The following TAP2 variants were observed in gnomAD, a reference collection of about 807,000 sequenced individuals.
TAP2 encodes antigen peptide transporter 2.
Under a neutral mutation model 74.7 loss-of-function variants are expected in TAP2, and 49 were observed. The ratio of observed to expected loss-of-function variants is 0.66; its 90% CI spans 0.52 to 0.83. The LOEUF (loss-of-function observed/expected upper bound fraction) is 0.83, where lower values mean the gene tolerates loss of function less well. TAP2 is among the 40% of genes least tolerant of loss of function. The pLI is 0.00. For missense variants in TAP2, 739 were observed against 859.0 expected, an observed-to-expected ratio of 0.86 and a Z score of 1.75; for synonymous variants, 306 against 368.4, an observed-to-expected ratio of 0.83 and a Z score of 1.94.
At chr6:32,836,564 G>T (rs1356598209) in intron 3 of TAP2, among the ~76,000 whole-genome samples, 4 of 152,160 alleles carry the variant, frequency 2.6e-5, no homozygotes, top group Non-Finnish European at 5.9e-5. Flanking sequence ...AAACCTAGAT[G>T]TCATAGCCTA....
chr6:32,836,092 A>G (rs1483985930), intron 3 of TAP2, among the ~76,000 whole-genome samples: 1 of 152,232 alleles, frequency 6.6e-6, no homozygotes, highest in Non-Finnish European at 1.5e-5. Context: ...AGATATTGTG[A>G]AAACAAGTAT....
Position 32,835,447 on chromosome 6 carries a change from C to T in TAP2, c.740-88G>A. 7 of 1,481,488 alleles carry T rather than the reference C, an allele frequency of 4.7e-6. No homozygotes were observed. Among genetic ancestry groups the T allele is most frequent in the Middle Eastern group, 1.8e-4 (1 of 5,536 alleles). 91.8% of individuals were successfully genotyped at this position (1,481,488 alleles called of 1,614,324 possible). A position where few individuals can be genotyped will look rare whatever the true frequency, so the allele number is the denominator to read the frequency against. ...TCCCTCCTGACCGTTCCCTCTGACA[C>T]AGCCCCCTCCTCTGAACATCCTCCT... On this transcript the variant is annotated intron_variant, in intron 4 of 11. Transcript: ENST00000374897. The surrounding 1 kb of genome is among the most constrained non-coding windows in gnomAD (Gnocchi z 4.0).
Position 32,835,380 on chromosome 6 carries a change from G to T in TAP2, c.740-21C>A. The T allele has an allele frequency of 6.2e-7, 1 of 1,612,648 alleles. No homozygotes were observed. Among genetic ancestry groups the T allele is most frequent in the Non-Finnish European group, 8.5e-7 (1 of 1,179,698 alleles). ...CTCCCCTAAGAAGGACAGAGCAGGTGAGGAAAAAGGAAACCATGTGTACTG... is the reference window on the plus strand; with the variant it reads ...CTCCCCTAAGAAGGACAGAGCAGGTTAGGAAAAAGGAAACCATGTGTACTG... On this transcript the variant is annotated intron_variant, in intron 4 of 11. Transcript: ENST00000374897. This position sits in a 1 kb window ranked among gnomAD's most constrained non-coding sequence, Gnocchi z 4.0.
chr6:32,833,160 A>G (rs1419899494), intron 5 of TAP2, among the ~76,000 whole-genome samples: 1 of 152,204 alleles, frequency 6.6e-6, no homozygotes, highest in Non-Finnish European at 1.5e-5. Flanking sequence ...GTAATTCCAA[A>G]TGGATCAGAG....
downstream of TAP2, among the ~76,000 whole-genome samples, chr6:32,822,917 C>CT (rs3041453): frequency 0.022 from 2,445 of 109,946 alleles, 81 homozygotes; most frequent in Admixed American, 0.031. Context: ...TGTGTTCATA[C>CT]TTTTTTTTTT....
In TAP2 at chr6:32,837,551, G is replaced by A. The variant is rs921420104; in HGVS notation, c.594C>T (p.Leu198=). ...AFASAIFFMC[L]FSFGSSLSAG... ...CCACCACCTACCTGCCAAAGGAGAA[G>A]AGGCACATGAAGAAGATGGCACTGG... is the stretch of plus-strand genomic sequence containing the variant. The change falls in exon 3 of 12, where the codon CTC becomes CTT. Residue 198 remains leucine, a synonymous_variant. Transcript: ENST00000374897. The A allele has an allele frequency of 6.2e-7, 1 of 1,614,028 alleles. No homozygotes were observed. The highest frequency in any genetic ancestry group is 1.1e-5 in the South Asian group (1 of 91,074).
At position 32,832,673 on chromosome 6, in the gene TAP2, T is replaced by C. The variant is rs554922783; in HGVS notation, c.1097A>G (p.Tyr366Cys). Residue 366 changes from tyrosine (Y) to cysteine (C), a missense_variant, in exon 6 of 12, where the codon TAT becomes TGT. Physicochemically the swap from Tyr to Cys is radical, Grantham distance 194. Coordinates refer to ENST00000374897, the MANE Select transcript of TAP2 (RefSeq NM_001290043.2). This position sits in a 1 kb window ranked among gnomAD's most constrained non-coding sequence, Gnocchi z 5.9. ...KEALEQCRQL[Y>C]WRRDLERALY... ...GGCGCGTTCCAGGTCTCTCCGCCAA[T>C]ACAGCTGCCGACATTGTTCAAGGGC... is the stretch of plus-strand genomic sequence containing the variant. 3.7e-6 allele frequency: 6 copies of C among 1,613,078 alleles called. No individual in the cohort carries two copies. In the African/African-American group the frequency reaches 5.3e-5, roughly 14 times the overall value.
In TAP2 at chr6:32,832,264, C is replaced by G; in HGVS notation, c.1272+69G>C. On this transcript the variant is annotated intron_variant, in intron 7 of 11. Coordinates refer to ENST00000374897, the MANE Select transcript of TAP2 (RefSeq NM_001290043.2). This position sits in a 1 kb window ranked among gnomAD's most constrained non-coding sequence, Gnocchi z 5.9. Reference sequence around the variant, plus strand: ...GTATTGTTAAAAAGAACAAATAAAGCCCAAGGCCCAGGAGTCCACAAAGAA... The same window carrying G: ...GTATTGTTAAAAAGAACAAATAAAGGCCAAGGCCCAGGAGTCCACAAAGAA... 1 of 1,608,448 alleles carries G rather than the reference C, an allele frequency of 6.2e-7. No individual in the cohort carries two copies. The highest frequency in any genetic ancestry group is 8.5e-7 in the Non-Finnish European group (1 of 1,177,358).
intron 10 of TAP2, 133 bp from the exon 11 acceptor site, chr6:32,829,669 T>A: frequency 7.1e-7 from 1 of 1,401,242 alleles, no homozygotes; most frequent in East Asian, 2.3e-5. Context: ...GAGGGCCCAG[T>A]GGGAGGAGGG....
At chr6:32,823,786 CTA>C (rs146887264), downstream of TAP2, among the ~76,000 whole-genome samples, 3,220 of 152,158 alleles carry the variant, frequency 0.021, 51 homozygotes, top group Non-Finnish European at 0.034. Context: ...AAATCTTTCA[CTA>C]TGTCTTTATT....
chr6:32,835,163 G>C lies in TAP2; in HGVS notation c.936C>G (p.Thr312=), dbSNP rs1285498703. The change falls in exon 5 of 12, where the codon ACC becomes ACG. Residue 312 remains threonine, a synonymous_variant. Coordinates refer to ENST00000374897, the MANE Select transcript of TAP2 (RefSeq NM_001290043.2). The surrounding 1 kb of genome is among the most constrained non-coding windows in gnomAD (Gnocchi z 4.0). ...FTIAAEKVYN[T]RHQEVLREIQ... ...TTACATGCACGCTCACCTGATGGCG[G>C]GTGTTGTACACCTTCTCCGCTGCTA... 3 of 1,612,514 alleles carry C rather than the reference G, an allele frequency of 1.9e-6. No homozygotes were observed. The African/African-American group carries it at 4.0e-5, about 22-fold the overall frequency.
chr6:32,836,568 T>C (rs1436175480), intron 3 of TAP2, among the ~76,000 whole-genome samples: 2 of 152,350 alleles, frequency 1.3e-5, no homozygotes, highest in South Asian at 2.1e-4. Flanking sequence ...CTAGATGTCA[T>C]AGCCTACTGC....
Position 32,828,675 on chromosome 6 carries a change from G to GCCGGCC in TAP2, c.*230_*231insGGCCGG. On this transcript the variant is annotated 3_prime_UTR_variant, in exon 12 of 12. Transcript: ENST00000374897. ...GAATTAAGTTTCCTGGACACAGACA[G>GCCGGCC]CCCCCACCCCACCCCACCCCACCTC... The GCCGGCC allele has an allele frequency of 3.4e-6, 3 of 884,278 alleles. No individual in the cohort carries two copies. The highest frequency in any genetic ancestry group is 4.6e-5 in the South Asian group (1 of 21,672). The allele number at this position is 884,278 out of a possible 1,614,324, so 54.8% of individuals were successfully genotyped here. A position where few individuals can be genotyped will look rare whatever the true frequency, so the allele number is the denominator to read the frequency against.
chr6:32,835,036 C>A lies in TAP2; in HGVS notation c.945+118G>T. ...TAGTATATACTACAATATACCTTCT[C>A]CCCTAATGGCTGAGAAGAGAACATC... On this transcript the variant is annotated intron_variant, in intron 5 of 11. Transcript: ENST00000374897. The surrounding 1 kb of genome is among the most constrained non-coding windows in gnomAD (Gnocchi z 4.0). The A allele has an allele frequency of 1.9e-6, 2 of 1,039,456 alleles. No homozygotes were observed. The highest frequency in any genetic ancestry group is 2.0e-5 in the Admixed American group (1 of 50,842). 64.4% of individuals were successfully genotyped at this position (1,039,456 alleles called of 1,614,324 possible). A position where few individuals can be genotyped will look rare whatever the true frequency, so the allele number is the denominator to read the frequency against.
In TAP2 at chr6:32,830,330, C is replaced by G. The variant is rs1186865920; in HGVS notation, c.1572G>C (p.Gly524=). 2.5e-6 allele frequency: 4 copies of G among 1,613,006 alleles called. No individual in the cohort carries two copies. Among genetic ancestry groups the G allele is most frequent in the Admixed American group, 1.7e-5 (1 of 60,004 alleles). The stretch of plus-strand genomic sequence containing the variant: ...GCTTTTCATCCAGCAGCACCTGTCC[C>G]CCTGTGGGCTGGTACAGATTCTGCA... ...ALLQNLYQPT[G]GQVLLDEKPI... is the part of the protein sequence containing the mutation. The change falls in exon 9 of 12, where the codon GGG becomes GGC. Residue 524 remains glycine, a synonymous_variant. Coordinates refer to ENST00000374897, the MANE Select transcript of TAP2 (RefSeq NM_001290043.2).
chr6:32,830,680 C>T lies in TAP2; in HGVS notation c.1399G>A (p.Val467Ile), dbSNP rs150253319. ...GTLAPTTLQG[V>I]VKFQDVSFAY... is the part of the protein sequence containing the mutation. Reference sequence around the variant, plus strand: ...AAGGAGACGTCTTGGAATTTCACAACCCCCTGCAGAGTGGTGGGGGCAAGC... The same window carrying T: ...AAGGAGACGTCTTGGAATTTCACAATCCCCTGCAGAGTGGTGGGGGCAAGC... Residue 467 changes from valine (V) to isoleucine (I), a missense_variant, in exon 8 of 12, where the codon GTT (valine) becomes ATT (isoleucine). Val to Ile is a conservative substitution (Grantham distance 29). Coordinates refer to ENST00000374897, the MANE Select transcript of TAP2 (RefSeq NM_001290043.2). 3.4e-3 allele frequency: 5,555 copies of T among 1,613,058 alleles called. 63 individuals are homozygous for T. The highest frequency in any genetic ancestry group is 0.029 in the African/African-American group (2,153 of 75,016).
At position 32,825,492 on chromosome 6, in the gene TAP2, G is replaced by A. The variant is rs957764300; in HGVS notation, c.*3414C>T. The A allele has an allele frequency of 1.3e-5, 2 of 152,066 alleles. No homozygotes were observed. The highest frequency in any genetic ancestry group is 4.8e-5 in the African/African-American group (2 of 41,414). 9.4% of individuals were successfully genotyped at this position (152,066 alleles called of 1,614,324 possible). ...GTGAACTTAGACAGCTGCTGTTTGC[G>A]AAAATACTGAGCAAGAATAAAGATA... On this transcript the variant is annotated 3_prime_UTR_variant, in exon 12 of 12. Transcript: ENST00000374897.
Position 32,832,688 on chromosome 6 carries a change from T to C in TAP2, c.1082A>G (p.Gln361Arg), listed in dbSNP as rs1438157532. 3 of 1,613,078 alleles carry C rather than the reference T, an allele frequency of 1.9e-6. No homozygotes were observed. The highest frequency in any genetic ancestry group is 2.2e-5 in the South Asian group (2 of 91,084). ...EVCRYKEALEQCRQLYWRRDL... is the reference protein window; with the variant it reads ...EVCRYKEALERCRQLYWRRDL... The stretch of plus-strand genomic sequence containing the variant: ...TCTCCGCCAATACAGCTGCCGACAT[T>C]GTTCAAGGGCCTCTTTATAGCGACA... The change falls in exon 6 of 12, where the codon CAA (glutamine) becomes CGA (arginine). Residue 361 changes from glutamine (Q) to arginine (R), a missense_variant. Coordinates refer to ENST00000374897, the MANE Select transcript of TAP2 (RefSeq NM_001290043.2). This position sits in a 1 kb window ranked among gnomAD's most constrained non-coding sequence, Gnocchi z 5.9.
chr6:32,828,931 T>C lies in TAP2; in HGVS notation c.2036A>G (p.Lys679Arg). The change falls in exon 12 of 12, where the codon AAG becomes AGG. Residue 679 changes from lysine (K) to arginine (R), a missense_variant. Lys to Arg is a conservative substitution (Grantham distance 26, BLOSUM62 2). Coordinates refer to ENST00000374897, the MANE Select transcript of TAP2 (RefSeq NM_001290043.2). ...CTAGAGCTGGGCAAGCTTCTGCAGC[T>C]TGCCCTCCTGGAGCACCAGGATCTG... ...AHQILVLQEG[K>R]LQKLAQL 6.5e-7 allele frequency: 1 copy of C among 1,546,062 alleles called. No individual in the cohort carries two copies. Among genetic ancestry groups the C allele is most frequent in the Non-Finnish European group, 8.7e-7 (1 of 1,145,368 alleles).
Sources: allele counts gnomAD v4.1 joint callset (sites outside exome capture counted in the v4.1 genomes callset), GRCh38; gene constraint gnomAD v4.1.1; non-coding constraint Gnocchi (gnomAD v3.1); transcripts MANE v1.5; gene names NCBI Gene and HGNC (gene_info 2026-07-23, HGNC 2026-07-21).